Variants in DTNA observed in about 807,000 individuals in gnomAD.
The protein encoded by DTNA is dystrobrevin alpha.
DTNA carries 43 observed loss-of-function variants against 100.7 expected under a neutral mutation model. The observed-to-expected ratio is 0.43, with a 90% CI of 0.33 to 0.55. DTNA has a LOEUF of 0.55. Among genes scored for constraint, DTNA ranks in the 20% least tolerant of loss-of-function variants. The pLI is 0.04. For missense variants in DTNA, 798 were observed against 953.9 expected (o/e 0.84, Z 2.15); for synonymous variants, 349 against 347.9 (o/e 1.00, Z -0.04).
chr18:34,771,649 G>T (rs919564908), intron 3 of DTNA, among the ~76,000 whole-genome samples: 8 of 152,136 alleles, frequency 5.3e-5, no homozygotes, highest in South Asian at 2.1e-4. Context: ...CAGAATAAAA[G>T]AATGAGTGTT....
chr18:34,613,632 A>G (rs1367289235), intron 1 of DTNA, among the ~76,000 whole-genome samples: 1 of 152,252 alleles, frequency 6.6e-6, no homozygotes, highest in Non-Finnish European at 1.5e-5. Context: ...CAAATTAGCC[A>G]CAACATTCCC....
At chr18:34,823,257 G>C (rs114324258) in intron 9 of DTNA, among the ~76,000 whole-genome samples, 133 of 152,214 alleles carry the variant, frequency 8.7e-4, no homozygotes, top group African/African-American at 2.9e-3. Context: ...AAAGAAGAAT[G>C]CTCTCTTAAT....
rs980798997 is a variant in DTNA, at chr18:34,891,735, A to G, written c.*4001A>G. 1.3e-5 allele frequency: 2 copies of G among 152,240 alleles called. No homozygotes were observed. Among genetic ancestry groups the G allele is most frequent in the Non-Finnish European group, 2.9e-5 (2 of 68,042 alleles). 9.4% of individuals were successfully genotyped at this position (152,240 alleles called of 1,614,324 possible). On this transcript the variant is annotated 3_prime_UTR_variant, in exon 23 of 23. Transcript: ENST00000444659. ...TATCACACACTGTTCTTAACACTTTATGTGACTTCACTCAATTCTTTGAAT... is the reference window on the plus strand; with the variant it reads ...TATCACACACTGTTCTTAACACTTTGTGTGACTTCACTCAATTCTTTGAAT...
intron 1 of DTNA, among the ~76,000 whole-genome samples, chr18:34,543,802 G>A (rs1030646193): frequency 6.6e-6 from 1 of 152,066 alleles, no homozygotes; most frequent in Non-Finnish European, 1.5e-5. Context: ...GAAACAATTG[G>A]AATTTAATAT....
chr18:34,716,195 G>GTTTTCGTTGTTT (rs1412998986), intron 1 of DTNA, among the ~76,000 whole-genome samples: 1 of 152,124 alleles, frequency 6.6e-6, no homozygotes, highest in Admixed American at 6.6e-5. Flanking sequence ...TCAGACAATA[G>GTTTTCGTTGTTT]CAGTCTGAAA....
chr18:34,794,059 T>A lies in DTNA; in HGVS notation c.171T>A (p.Asn57Lys), dbSNP rs749765716. ...TAGTGCACCTGGTGGACATATGGAA[T>A]GTCATAGAAGCATTGCGGGAAAATG... Reference protein sequence around the residue: ...KCNLHLVDIWNVIEALRENAL... With the variant: ...KCNLHLVDIWKVIEALRENAL... The change falls in exon 4 of 23, where the codon AAT becomes AAA. Residue 57 changes from asparagine (N) to lysine (K), a missense_variant. By Grantham distance (94) the Asn-to-Lys change is moderately conservative (BLOSUM62 0). This residue lies in a region of DTNA where 197 missense variants were observed against 215.4 expected (regional missense o/e 0.91). Transcript: ENST00000444659. The A allele has an allele frequency of 1.9e-6, 3 of 1,614,068 alleles. No individual in the cohort carries two copies. The South Asian group carries it at 3.3e-5, about 18-fold the overall frequency.
intron 7 of DTNA, among the ~76,000 whole-genome samples, chr18:34,816,231 T>G (rs2095594442): frequency 6.6e-6 from 1 of 152,200 alleles, no homozygotes; most frequent in Admixed American, 6.5e-5. Context: ...TCTCATGGTC[T>G]TCTTCTCAAT....
chr18:34,532,316 G>T (rs1160583763), intron 1 of DTNA, among the ~76,000 whole-genome samples: 1 of 152,104 alleles, frequency 6.6e-6, no homozygotes, highest in Admixed American at 6.6e-5. Flanking sequence ...GCCACTCTAG[G>T]CTGAGAGAAG....
intron 1 of DTNA, among the ~76,000 whole-genome samples, chr18:34,497,697 G>A (rs2039406749): frequency 1.3e-5 from 2 of 149,714 alleles, no homozygotes; most frequent in Admixed American, 6.6e-5. Context: ...AAAAAAAAAA[G>A]TGGAAAAAAT....
At chr18:34,690,993 G>A (rs7244855) in intron 1 of DTNA, among the ~76,000 whole-genome samples, 9,289 of 152,250 alleles carry the variant, frequency 0.061, 923 homozygotes, top group African/African-American at 0.21. Context: ...AGGTTAAGTA[G>A]GTTGAAGGTG....
rs1198114929 is a variant in DTNA, at chr18:34,889,787, G to A, written c.*2053G>A. On this transcript the variant is annotated 3_prime_UTR_variant, in exon 23 of 23. Coordinates refer to ENST00000444659, the MANE Select transcript of DTNA (RefSeq NM_001386795.1). Reference sequence around the variant, plus strand: ...GAACTCACCTGACAAATGTCTCTGAGCACAGGCTGACACCAAAGTGGCACA... The same window carrying A: ...GAACTCACCTGACAAATGTCTCTGAACACAGGCTGACACCAAAGTGGCACA... 1.0e-6 allele frequency: 1 copy of A among 986,974 alleles called. No individual in the cohort carries two copies. 61.1% of individuals were successfully genotyped at this position (986,974 alleles called of 1,614,324 possible). A position where few individuals can be genotyped will look rare whatever the true frequency, so the allele number is the denominator to read the frequency against.
At chr18:34,635,330 A>T (rs2058548122) in intron 1 of DTNA, among the ~76,000 whole-genome samples, 1 of 152,144 alleles carries the variant, frequency 6.6e-6, no homozygotes, top group African/African-American at 2.4e-5. Flanking sequence ...TTAATATGGG[A>T]ATGCAGATAT....
At chr18:34,781,270 G>A (rs1314512503) in intron 3 of DTNA, among the ~76,000 whole-genome samples, 1 of 152,166 alleles carries the variant, frequency 6.6e-6, no homozygotes, top group African/African-American at 2.4e-5. Flanking sequence ...TTGAAAAAGA[G>A]TAGTATACAT....
chr18:34,722,897 T>A (rs931362488), intron 1 of DTNA, among the ~76,000 whole-genome samples: 5 of 152,222 alleles, frequency 3.3e-5, no homozygotes, highest in African/African-American at 1.2e-4. Flanking sequence ...AATGTGTTCA[T>A]CTTTCTTACT....
At chr18:34,679,908 T>A (rs760433265) in intron 1 of DTNA, among the ~76,000 whole-genome samples, 2 of 152,152 alleles carry the variant, frequency 1.3e-5, no homozygotes, top group Non-Finnish European at 2.9e-5. Flanking sequence ...AATGCCATAA[T>A]ACTTCATTCT....
At chr18:34,624,334 CACATTG>C in intron 1 of DTNA, among the ~76,000 whole-genome samples, 1 of 152,224 alleles carries the variant, frequency 6.6e-6, no homozygotes, top group Middle Eastern at 3.4e-3. Context: ...AACTGAGTAA[CACATTG>C]ATATATTAAC....
At chr18:34,522,656 T>C (rs952664527) in intron 1 of DTNA, among the ~76,000 whole-genome samples, 3 of 152,188 alleles carry the variant, frequency 2.0e-5, no homozygotes, top group Admixed American at 1.3e-4. Flanking sequence ...AGCATTTGTT[T>C]TATGACATAT....
intron 1 of DTNA, among the ~76,000 whole-genome samples, chr18:34,747,315 G>A (rs570303753): frequency 6.6e-4 from 101 of 152,040 alleles, no homozygotes; most frequent in African/African-American, 2.2e-3. Flanking sequence ...GCCATGAATC[G>A]GATGCACTTA....
intron 1 of DTNA, among the ~76,000 whole-genome samples, chr18:34,690,147 A>C (rs978473650): frequency 6.6e-6 from 1 of 152,088 alleles, no homozygotes; most frequent in Non-Finnish European, 1.5e-5. Flanking sequence ...TTCCCAGGGG[A>C]GTGAACGGCT....
Sources: gnomAD v4.1 joint callset for allele counts (sites outside exome capture counted in the v4.1 genomes callset) on GRCh38, gnomAD v4.1.1 for gene constraint, gnomAD v4.1.1 regional missense constraint, MANE v1.5 for transcripts, NCBI Gene and HGNC (gene_info 2026-07-23, HGNC 2026-07-21) for gene names.